Variants in ZFHX2 observed in about 807,000 individuals in gnomAD.
ZFHX2 encodes zinc finger homeobox 2.
A neutral mutation model predicts 164.8 loss-of-function variants in ZFHX2; 75 were observed. That is an observed-to-expected ratio of 0.46 (90% confidence interval 0.38 to 0.55). The LOEUF (loss-of-function observed/expected upper bound fraction) is 0.55, where lower values mean the gene tolerates loss of function less well. Among genes scored for constraint, ZFHX2 ranks in the 20% least tolerant of loss-of-function variants. ZFHX2 has a pLI of 0.00. For missense variants in ZFHX2, 2,933 were observed against 3,308.0 expected, an observed-to-expected ratio of 0.89 and a Z score of 2.78; for synonymous variants, 1,217 against 1,351.4, an observed-to-expected ratio of 0.90 and a Z score of 2.18.
chr14:23,531,841 G>A, intron 3 of ZFHX2, 120 bp from the exon 4 acceptor site: 1 of 1,208,844 alleles, frequency 8.3e-7, no homozygotes. Flanking sequence ...GCAGTGGCAT[G>A]ATCTCTACTC....
chr14:23,533,727 C>T lies in ZFHX2; in HGVS notation c.1599G>A (p.Leu533=). Reference sequence around the variant, plus strand: ...CCGCCTGGAAGCCCTGTAGGTTGGCCAGGTGCTTGTCAGACTGCATATGGA... The same window carrying T: ...CCGCCTGGAAGCCCTGTAGGTTGGCTAGGTGCTTGTCAGACTGCATATGGA... ...LSIHMQSDKH[L]ANLQGFQAGP... is the part of the protein sequence containing the mutation. The change falls in exon 2 of 10, where the codon CTG becomes CTA. Residue 533 remains leucine, a synonymous_variant. Transcript: ENST00000419474. The surrounding 1 kb of genome is among the most constrained non-coding windows in gnomAD (Gnocchi z 4.8). The T allele has an allele frequency of 1.3e-6, 2 of 1,552,048 alleles. No homozygotes were observed. The highest frequency in any genetic ancestry group is 1.4e-5 in the African/African-American group (1 of 73,548).
Position 23,535,857 on chromosome 14 carries a change from G to T in ZFHX2, c.-49-483C>A, listed in dbSNP as rs1880082696. On this transcript the variant is annotated intron_variant, in intron 1 of 9. Coordinates refer to ENST00000419474, the MANE Select transcript of ZFHX2 (RefSeq NM_033400.3). The surrounding 1 kb of genome is among the most constrained non-coding windows in gnomAD (Gnocchi z 4.5). Reference sequence around the variant, plus strand: ...TCCGCCCACCTCGGCCTCCCAAAGTGCTAGGATTATAGGCGTGAGCCACCG... The same window carrying T: ...TCCGCCCACCTCGGCCTCCCAAAGTTCTAGGATTATAGGCGTGAGCCACCG... Among the ~76,000 whole-genome samples the T allele has an allele frequency of 6.6e-6, 1 of 152,138 alleles. No individual in the cohort carries two copies. The highest frequency in any genetic ancestry group is 1.5e-5 in the Non-Finnish European group (1 of 68,028).
rs1384347584 is a variant in ZFHX2 at position 23,524,082 on chromosome 14, T to G, written c.5860A>C (p.Thr1954Pro). Reference protein sequence around the residue: ...NLLLGKVDDGTGREAPKREAP... With the variant: ...NLLLGKVDDGPGREAPKREAP... ...TCCCTCTTTGGGGCTTCCCTCCCAGTGCCATCATCTACCTTGCCTAATAAG... is the reference window on the plus strand; with the variant it reads ...TCCCTCTTTGGGGCTTCCCTCCCAGGGCCATCATCTACCTTGCCTAATAAG... The change falls in exon 9 of 10, where the codon ACT becomes CCT. Residue 1954 changes from threonine to proline, a missense_variant. Transcript: ENST00000419474. This position sits in a 1 kb window ranked among gnomAD's most constrained non-coding sequence, Gnocchi z 5.6. The G allele has an allele frequency of 6.5e-7, 1 of 1,526,994 alleles. No homozygotes were observed. Among genetic ancestry groups the G allele is most frequent in the Admixed American group, 2.0e-5 (1 of 50,096 alleles). 94.6% of individuals were successfully genotyped at this position (1,526,994 alleles called of 1,614,324 possible). A position where few individuals can be genotyped will look rare whatever the true frequency, so the allele number is the denominator to read the frequency against.
At chr14:23,538,203 AGGTT>A (rs1026341171) in intron 1 of ZFHX2, 1 of 152,214 alleles carries the variant, frequency 6.6e-6, no homozygotes, top group African/African-American at 2.4e-5. Flanking sequence ...GGCCGAGGGT[AGGTT>A]GGCAGCTATT....
Position 23,545,795 on chromosome 14 carries a change from C to T in ZFHX2, c.-50+5548G>A, listed in dbSNP as rs561111878. ...GAAGCAGCAAAATCTAGACCCATGC[C>T]CATGGCCCAGGAATAAAGAAGACAG... On this transcript the variant is annotated intron_variant, in intron 1 of 9. Coordinates refer to ENST00000419474, the MANE Select transcript of ZFHX2 (RefSeq NM_033400.3). Among the ~76,000 whole-genome samples, 5 of 152,234 alleles carry T rather than the reference C, an allele frequency of 3.3e-5. No individual in the cohort carries two copies. The East Asian group carries it at 9.6e-4, about 29-fold the overall frequency.
intron 4 of ZFHX2, chr14:23,530,574 G>A: frequency 2.4e-6 from 1 of 418,736 alleles, no homozygotes; most frequent in South Asian, 2.0e-5. Flanking sequence ...CTGAATGGAA[G>A]CAGCTGCTGC....
Position 23,522,011 on chromosome 14 carries a change from G to C in ZFHX2, c.7670C>G (p.Thr2557Arg), listed in dbSNP as rs536411110. 5 of 1,536,286 alleles carry C rather than the reference G, an allele frequency of 3.3e-6. No individual in the cohort carries two copies. The East Asian group carries it at 9.8e-5, about 30-fold the overall frequency. ...FAKEEARLPH[T>R]DSNPKTTTTS... is the part of the protein sequence containing the mutation. ...AGTCGTAGTTTTTGGGTTGGAGTCCGTGTGAGGTAATCTTGCTTCCTCTTT... is the reference window on the plus strand; with the variant it reads ...AGTCGTAGTTTTTGGGTTGGAGTCCCTGTGAGGTAATCTTGCTTCCTCTTT... Residue 2557 changes from threonine to arginine, a missense_variant, in exon 10 of 10, where the codon ACG (threonine) becomes AGG (arginine). Thr to Arg is a moderately conservative substitution (Grantham distance 71, BLOSUM62 -1). Coordinates refer to ENST00000419474, the MANE Select transcript of ZFHX2 (RefSeq NM_033400.3).
chr14:23,539,787 C>G (rs963239006), intron 1 of ZFHX2, among the ~76,000 whole-genome samples: 6 of 152,148 alleles, frequency 3.9e-5, no homozygotes, highest in African/African-American at 1.4e-4. Flanking sequence ...CTACTGCTCC[C>G]TAGTGGTTAC....
rs891154568 is a variant in ZFHX2, at chr14:23,523,317, G to T, written c.6625C>A (p.Pro2209Thr). ...PALKAPPATT[P>T]ASMPLGAAPT... Reference sequence around the variant, plus strand: ...GCAGCCCCGAGGGGCATGGAGGCAGGTGTGGTGGCAGGTGGGGCCTTGAGA... The same window carrying T: ...GCAGCCCCGAGGGGCATGGAGGCAGTTGTGGTGGCAGGTGGGGCCTTGAGA... The change falls in exon 9 of 10, where the codon CCT (proline) becomes ACT (threonine). Residue 2209 changes from proline (P) to threonine (T), a missense_variant. Transcript: ENST00000419474. The surrounding 1 kb of genome is among the most constrained non-coding windows in gnomAD (Gnocchi z 4.1). 20 of 1,453,138 alleles carry T rather than the reference G, an allele frequency of 1.4e-5. No individual in the cohort carries two copies. The highest frequency in any genetic ancestry group is 4.3e-5 in the South Asian group (3 of 69,944). The allele number at this position is 1,453,138 out of a possible 1,614,324, so 90.0% of individuals were successfully genotyped here.
At position 23,526,380 on chromosome 14, in the gene ZFHX2, C is replaced by A; in HGVS notation, c.3562G>T (p.Ala1188Ser). 2 of 1,536,294 alleles carry A rather than the reference C, an allele frequency of 1.3e-6. No homozygotes were observed. The highest frequency in any genetic ancestry group is 1.7e-6 in the Non-Finnish European group (2 of 1,146,878). ...CACACAGTGCACTTATAGGGCCGGGCAGGGTCGAGAAACTTGTCCAGGGCA... is the reference window on the plus strand; with the variant it reads ...CACACAGTGCACTTATAGGGCCGGGAAGGGTCGAGAAACTTGTCCAGGGCA... ...NFALDKFLDP[A>S]RPYKCTVCKE... is the part of the protein sequence containing the mutation. Residue 1188 changes from alanine (A) to serine (S), a missense_variant, in exon 9 of 10, where the codon GCC becomes TCC. Ala to Ser is a moderately conservative substitution (Grantham distance 99). Coordinates refer to ENST00000419474, the MANE Select transcript of ZFHX2 (RefSeq NM_033400.3).
chr14:23,533,650 C>A lies in ZFHX2; in HGVS notation c.1676G>T (p.Gly559Val). Reference sequence around the variant, plus strand: ...TGATTTGGTCTTAGGCTCTTTGTCTCCCGCGGAGGGTGGGAGTGATGCCTC... The same window carrying A: ...TGATTTGGTCTTAGGCTCTTTGTCTACCGCGGAGGGTGGGAGTGATGCCTC... ...PPEASLPPSAGDKEPKTKSSW... is the reference protein window; with the variant it reads ...PPEASLPPSAVDKEPKTKSSW... The change falls in exon 2 of 10, where the codon GGA (glycine) becomes GTA (valine). Residue 559 changes from glycine to valine, a missense_variant. Transcript: ENST00000419474. This position sits in a 1 kb window ranked among gnomAD's most constrained non-coding sequence, Gnocchi z 4.8. The A allele has an allele frequency of 1.3e-6, 2 of 1,537,074 alleles. No individual in the cohort carries two copies. The highest frequency in any genetic ancestry group is 1.7e-6 in the Non-Finnish European group (2 of 1,147,138).
At chr14:23,554,533 C>A (rs1012277080), upstream of ZFHX2, among the ~76,000 whole-genome samples, 1 of 150,928 alleles carries the variant, frequency 6.6e-6, no homozygotes, top group Non-Finnish European at 1.5e-5. Context: ...TGCACTACCA[C>A]ACCCGGCTAA....
chr14:23,534,314 C>T lies in ZFHX2; in HGVS notation c.1012G>A (p.Glu338Lys), dbSNP rs781689901. 7 of 1,535,778 alleles carry T rather than the reference C, an allele frequency of 4.6e-6. No homozygotes were observed. In the South Asian group the frequency reaches 8.3e-5, roughly 18 times the overall value. Residue 338 changes from glutamate (E) to lysine (K), a missense_variant, in exon 2 of 10, where the codon GAA becomes AAA. Coordinates refer to ENST00000419474, the MANE Select transcript of ZFHX2 (RefSeq NM_033400.3). This position sits in a 1 kb window ranked among gnomAD's most constrained non-coding sequence, Gnocchi z 4.5. ...GGTGGGCTGAGGGCCATAACTTCTT[C>T]ATCCAGGAGGATAAGGGCCTGGACT... ...AEVQALILLD[E>K]EVMALSPPSP...
chr14:23,532,354 G>A lies in ZFHX2; in HGVS notation c.2559+213C>T, dbSNP rs1879676883. The A allele has an allele frequency of 3.6e-5, 20 of 551,360 alleles. No individual in the cohort carries two copies. The East Asian group carries it at 5.9e-4, about 16-fold the overall frequency. 34.2% of individuals were successfully genotyped at this position (551,360 alleles called of 1,614,324 possible). ...CCAAACACCAGAAGAGCTGAATAAA[G>A]TCTGTTTCACTTGTCAGAGTTTACT... On this transcript the variant is annotated intron_variant, in intron 3 of 9. Coordinates refer to ENST00000419474, the MANE Select transcript of ZFHX2 (RefSeq NM_033400.3).
rs1293515493 is a variant in ZFHX2, at chr14:23,521,521, T to G, written c.*441A>C. 2 of 157,016 alleles carry G rather than the reference T, an allele frequency of 1.3e-5. No individual in the cohort carries two copies. The highest frequency in any genetic ancestry group is 2.4e-5 in the African/African-American group (1 of 41,590). 9.7% of individuals were successfully genotyped at this position (157,016 alleles called of 1,614,324 possible). ...TTCTTTTTATCTTCTTTTTCAAAAT[T>G]TTTTGGTGTTTTCTCAGTGGAACAT... On this transcript the variant is annotated 3_prime_UTR_variant, in exon 10 of 10. Coordinates refer to ENST00000419474, the MANE Select transcript of ZFHX2 (RefSeq NM_033400.3).
chr14:23,526,112 C>A lies in ZFHX2; in HGVS notation c.3830G>T (p.Arg1277Leu). The change falls in exon 9 of 10, where the codon CGG (arginine) becomes CTG (leucine). Residue 1277 changes from arginine (R) to leucine (L), a missense_variant. Arg to Leu is a moderately radical substitution (Grantham distance 102). Coordinates refer to ENST00000419474, the MANE Select transcript of ZFHX2 (RefSeq NM_033400.3). ...MRSVLHQTRS[R>L]GTKTDSKIEG... ...AATCTTGGAATCAGTCTTGGTTCCC[C>A]GAGAGCGAGTCTGATGCAGAACTGA... 1 of 1,536,364 alleles carries A rather than the reference C, an allele frequency of 6.5e-7. No individual in the cohort carries two copies. The highest frequency in any genetic ancestry group is 2.4e-5 in the East Asian group (1 of 40,912).
Position 23,522,384 on chromosome 14 carries a change from C to T in ZFHX2, c.7297G>A (p.Asp2433Asn), listed in dbSNP as rs975334453. ...APGEGEAGEV[D>N]ELLTGSTGIS... ...CCAGTGCTGCCTGTCAGCAGCTCAT[C>T]AACCTCACCAGCTTCCCCCTCCCCT... The change falls in exon 10 of 10, where the codon GAT becomes AAT. Residue 2433 changes from aspartate to asparagine, a missense_variant. Coordinates refer to ENST00000419474, the MANE Select transcript of ZFHX2 (RefSeq NM_033400.3). 13 of 1,536,194 alleles carry T rather than the reference C, an allele frequency of 8.5e-6. No individual in the cohort carries two copies. The Admixed American group carries it at 2.6e-4, about 30-fold the overall frequency.
At chr14:23,537,298 C>T (rs567351239) in intron 1 of ZFHX2, among the ~76,000 whole-genome samples, 3 of 152,066 alleles carry the variant, frequency 2.0e-5, no homozygotes, top group Non-Finnish European at 4.4e-5. Flanking sequence ...CCATCCTATA[C>T]TTCCCCCAAG....
At position 23,541,197 on chromosome 14, in the gene ZFHX2, C is replaced by T. The variant is rs183508542; in HGVS notation, c.-49-5823G>A. On this transcript the variant is annotated intron_variant, in intron 1 of 9. Coordinates refer to ENST00000419474, the MANE Select transcript of ZFHX2 (RefSeq NM_033400.3). ...CTGGGATTACAGGTGTGAGCCACTG[C>T]GCCCGGCCTCTGTTCACCCCTTTCT... 1.2e-4 allele frequency among the ~76,000 whole-genome samples: 18 copies of T among 151,944 alleles called. No individual in the cohort carries two copies. In the East Asian group the frequency reaches 3.5e-3, roughly 30 times the overall value.
Sources: allele counts gnomAD v4.1 joint callset (sites outside exome capture counted in the v4.1 genomes callset), GRCh38; gene constraint gnomAD v4.1.1; non-coding constraint Gnocchi (gnomAD v3.1); transcripts MANE v1.5; gene names NCBI Gene and HGNC (gene_info 2026-07-23, HGNC 2026-07-21).